The following SLCO6A1 variants were observed in gnomAD, a reference collection of about 807,000 sequenced individuals.
SLCO6A1 encodes the protein solute carrier organic anion transporter family member 6A1.
SLCO6A1 carries 65 observed loss-of-function variants against 72.7 expected under a neutral mutation model. The observed-to-expected ratio is 0.89, with a 90% CI of 0.73 to 1.10. SLCO6A1 has a LOEUF of 1.10. Among genes scored for constraint, SLCO6A1 ranks in the 50% least tolerant of loss-of-function variants. SLCO6A1 has a pLI of 0.00. For synonymous variants in SLCO6A1, 314 were observed against 298.2 expected (o/e 1.05, Z -0.55); for missense variants, 874 against 872.6 (o/e 1.00, Z -0.02).
At chr5:102,459,525 C>A in intron 5 of SLCO6A1, 131 bp downstream of exon 5, 3 of 1,038,802 alleles carry the variant, frequency 2.9e-6, no homozygotes, top group Non-Finnish European at 4.0e-6. Flanking sequence ...CACTGTATCT[C>A]TATGACAAAC....
At chr5:102,388,898 TAATATATATGAATG>T in intron 11 of SLCO6A1, 73 bp from the exon 12 acceptor site, 1 of 1,327,864 alleles carries the variant, frequency 7.5e-7, no homozygotes, top group Non-Finnish European at 1.0e-6. Context: ...CACACACAGA[TAATATATATGAATG>T]ACGACTCATC....
At chr5:102,404,651 A>G (rs1747576357) in intron 9 of SLCO6A1, among the ~76,000 whole-genome samples, 1 of 152,208 alleles carries the variant, frequency 6.6e-6, no homozygotes, top group African/African-American at 2.4e-5. Context: ...GTTTTTATTT[A>G]TGTTTTAATT....
chr5:102,399,729 C>A lies in SLCO6A1; in HGVS notation c.1640G>T (p.Cys547Phe). 1 of 1,573,746 alleles carries A rather than the reference C, an allele frequency of 6.4e-7. No individual in the cohort carries two copies. The highest frequency in any genetic ancestry group is 8.7e-7 in the Non-Finnish European group (1 of 1,156,060). ...AQNQKKMYYN[C>F]SCIKEGLITA... ...TATTAATCCTTCTTTAATGCAAGAACAATTGTAGTACATCTGTGAGTATTG... is the reference window on the plus strand; with the variant it reads ...TATTAATCCTTCTTTAATGCAAGAAAAATTGTAGTACATCTGTGAGTATTG... Residue 547 changes from cysteine to phenylalanine, a missense_variant, in exon 10 of 14, where the codon TGT (cysteine) becomes TTT (phenylalanine). Cys to Phe is a radical substitution (Grantham distance 205). Transcript: ENST00000506729.
intron 1 of SLCO6A1, 57 bp downstream of exon 1, chr5:102,498,430 T>A: frequency 1.3e-6 from 2 of 1,523,322 alleles, no homozygotes; most frequent in Non-Finnish European, 1.8e-6. Flanking sequence ...CTCTCCCGCC[T>A]CCGCCAGTGC....
Position 102,388,780 on chromosome 5 carries a change from GA to G in SLCO6A1, c.1924del (p.Ser642LeufsTer29). The G allele has an allele frequency of 6.2e-7, 1 of 1,608,322 alleles. No homozygotes were observed. The highest frequency in any genetic ancestry group is 8.5e-7 in the Non-Finnish European group (1 of 1,178,220). On this transcript the variant is annotated frameshift_variant, in exon 12 of 14. Coordinates refer to ENST00000506729, the MANE Select transcript of SLCO6A1 (RefSeq NM_173488.5). LOFTEE classifies it high-confidence loss of function. ...TTTATTAACATCCCGTAAAATACAA[GA>G]AGTTTCTCCTGACATTTTAAAGATT... is the stretch of plus-strand genomic sequence containing the variant. ...PSIFKMSGET[S>X]CILRDVNKCG...
intron 6 of SLCO6A1, among the ~76,000 whole-genome samples, chr5:102,455,409 T>A (rs1043446256): frequency 2.0e-5 from 3 of 152,048 alleles, no homozygotes; most frequent in African/African-American, 7.2e-5. Flanking sequence ...ACAGAAAGGA[T>A]GAAGTTATGA....
chr5:102,479,990 C>A (rs961235275), intron 2 of SLCO6A1, among the ~76,000 whole-genome samples, 187 bp downstream of exon 2: 2 of 152,124 alleles, frequency 1.3e-5, no homozygotes, highest in Non-Finnish European at 2.9e-5. Context: ...CATTAACTTC[C>A]TCTGTGATGA....
At chr5:102,474,594 A>G (rs1751799665) in intron 4 of SLCO6A1, among the ~76,000 whole-genome samples, 1 of 152,040 alleles carries the variant, frequency 6.6e-6, no homozygotes, top group African/African-American at 2.4e-5. Context: ...GAACTTAAAA[A>G]CTTTTTTGCA....
At chr5:102,426,889 C>T (rs553770485) in intron 7 of SLCO6A1, among the ~76,000 whole-genome samples, 2 of 151,754 alleles carry the variant, frequency 1.3e-5, no homozygotes, top group Non-Finnish European at 2.9e-5. Flanking sequence ...TCATGATAGA[C>T]GGGATAAAGA....
chr5:102,488,222 G>T (rs1053965422), intron 1 of SLCO6A1, among the ~76,000 whole-genome samples: 7 of 151,856 alleles, frequency 4.6e-5, no homozygotes, highest in Non-Finnish European at 1.0e-4. Context: ...CTGACATAGG[G>T]TTAAATAAAT....
At chr5:102,393,687 G>A (rs1457766296) in intron 10 of SLCO6A1, among the ~76,000 whole-genome samples, 1 of 151,788 alleles carries the variant, frequency 6.6e-6, no homozygotes. Context: ...GTAGAGACCT[G>A]GTCATTTGTG....
At chr5:102,454,962 T>C (rs995213704) in intron 6 of SLCO6A1, among the ~76,000 whole-genome samples, 1 of 145,596 alleles carries the variant, frequency 6.9e-6, no homozygotes, top group Non-Finnish European at 1.5e-5. Context: ...TTATACAACA[T>C]ACACATTTGT....
At chr5:102,423,834 C>T (rs1748742108) in intron 7 of SLCO6A1, among the ~76,000 whole-genome samples, 1 of 152,160 alleles carries the variant, frequency 6.6e-6, no homozygotes, top group Non-Finnish European at 1.5e-5. Context: ...TTCTCAGCAC[C>T]ACACAGCATT....
intron 6 of SLCO6A1, among the ~76,000 whole-genome samples, chr5:102,442,200 T>C (rs1362575432): frequency 6.6e-6 from 1 of 152,192 alleles, no homozygotes; most frequent in Non-Finnish European, 1.5e-5. Flanking sequence ...ATCTCGTTTT[T>C]AGGAAGTATT....
chr5:102,435,838 G>T (rs1469992493), intron 7 of SLCO6A1, among the ~76,000 whole-genome samples: 1 of 150,566 alleles, frequency 6.6e-6, no homozygotes, highest in African/African-American at 2.5e-5. Flanking sequence ...TTACATCATT[G>T]CACCCCAGCC....
chr5:102,377,857 A>G (rs2112474786), intron 12 of SLCO6A1, among the ~76,000 whole-genome samples: 1 of 150,678 alleles, frequency 6.6e-6, no homozygotes, highest in Admixed American at 6.6e-5. Flanking sequence ...TATTTTTTGT[A>G]CAGACAGGGT....
At chr5:102,383,033 A>G (rs1347171572) in intron 12 of SLCO6A1, among the ~76,000 whole-genome samples, 1 of 147,702 alleles carries the variant, frequency 6.8e-6, no homozygotes, top group African/African-American at 2.5e-5. Context: ...TATGGTGTAC[A>G]CATACATGTA....
chr5:102,474,781 T>C (rs1751810645), intron 4 of SLCO6A1, among the ~76,000 whole-genome samples: 1 of 151,936 alleles, frequency 6.6e-6, no homozygotes, highest in African/African-American at 2.4e-5. Flanking sequence ...AAAGAAGGTA[T>C]ACAAATGGTG....
chr5:102,455,801 G>T (rs1406983575), intron 6 of SLCO6A1, among the ~76,000 whole-genome samples: 1 of 152,038 alleles, frequency 6.6e-6, no homozygotes, highest in Non-Finnish European at 1.5e-5. Context: ...TTTATTATCT[G>T]TAAAGTGAAC....
Sources: gnomAD v4.1 joint callset for allele counts (sites outside exome capture counted in the v4.1 genomes callset) on GRCh38, gnomAD v4.1.1 for gene constraint, MANE v1.5 for transcripts, NCBI Gene and HGNC (gene_info 2026-07-23, HGNC 2026-07-21) for gene names.